The following ANTXRL variants were observed in gnomAD, a reference collection of about 807,000 sequenced individuals.
ANTXRL encodes the protein anthrax toxin receptor-like.
In ANTXRL, 63 loss-of-function variants were observed where a neutral mutation model predicts 75.4. The observed-to-expected ratio is 0.84, with a 90% CI of 0.68 to 1.03. ANTXRL has a LOEUF of 1.03. Ranked by LOEUF, ANTXRL falls within the 50% of genes least tolerant of loss-of-function variation. The pLI is 0.00. For missense variants in ANTXRL, 797 were observed against 789.4 expected (o/e 1.01, Z -0.12); for synonymous variants, 335 against 291.3 (o/e 1.15, Z -1.53).
chr10:46,297,166 G>T, intron 5 of ANTXRL, 86 bp from the exon 6 acceptor site: 2 of 1,134,928 alleles, frequency 1.8e-6, no homozygotes, highest in South Asian at 2.7e-5. Flanking sequence ...AGCGCTGTGG[G>T]CCCAGCCATC....
chr10:46,320,892 C>T (rs10906946), intron 16 of ANTXRL, among the ~76,000 whole-genome samples: 49,737 of 151,782 alleles, frequency 0.33, 9,286 homozygotes, highest in Admixed American at 0.44. Context: ...CTTGTACCCA[C>T]GTAGATAATT....
rs146805042 is a variant in ANTXRL at position 46,320,539 on chromosome 10, C to T, written c.1410+7223C>T. ...TTGAGTCCAGGAGTTTGAGACCAGC[C>T]TGGCCAACATGGCAAAACCCCATCT... On this transcript the variant is annotated intron_variant, in intron 16 of 16. Transcript: ENST00000620264. 2.0e-3 allele frequency among the ~76,000 whole-genome samples: 297 copies of T among 152,240 alleles called. 2 individuals carry two copies. The highest frequency in any genetic ancestry group is 7.0e-3 in the African/African-American group (291 of 41,524).
At chr10:46,294,176 C>A (rs12761764) in intron 3 of ANTXRL, 1 of 468,538 alleles carries the variant, frequency 2.1e-6, no homozygotes. Flanking sequence ...TGCCTCCTTC[C>A]CTGAAAGGTG....
intron 16 of ANTXRL, among the ~76,000 whole-genome samples, chr10:46,317,456 G>A (rs781880954): frequency 6.6e-6 from 1 of 152,184 alleles, no homozygotes; most frequent in Admixed American, 6.5e-5. Flanking sequence ...GCTTAATGCA[G>A]ACGGGCCTTA....
At chr10:46,313,770 A>G (rs1458439061) in intron 16 of ANTXRL, among the ~76,000 whole-genome samples, 1 of 152,146 alleles carries the variant, frequency 6.6e-6, no homozygotes, top group Non-Finnish European at 1.5e-5. Flanking sequence ...CACTGTTTTT[A>G]TCCTCCCAGT....
intron 9 of ANTXRL, among the ~76,000 whole-genome samples, chr10:46,302,360 TG>T (rs1837803422): frequency 6.6e-6 from 1 of 152,134 alleles, no homozygotes; most frequent in African/African-American, 2.4e-5. Context: ...AGGGAGGGCC[TG>T]GCTGAGTGCA....
intron 15 of ANTXRL, among the ~76,000 whole-genome samples, chr10:46,312,097 T>C (rs73291039): frequency 0.013 from 1,961 of 146,720 alleles, 119 homozygotes; most frequent in African/African-American, 0.046. Context: ...AAATGACCAG[T>C]CCTGACACAT....
rs536384516 is a variant in ANTXRL at position 46,329,824 on chromosome 10, C to T, written c.1636C>T (p.Arg546Cys). The T allele has an allele frequency of 2.7e-4, 413 of 1,534,196 alleles. 1 individual carries two copies. The East Asian group carries it at 8.4e-3, about 31-fold the overall frequency. The change falls in exon 17 of 17, where the codon CGC becomes TGC. Residue 546 changes from arginine to cysteine, a missense_variant. Physicochemically the swap from Arg to Cys is radical, Grantham distance 180. Transcript: ENST00000620264. ...HSQHSRECLA[R>C]KQAPCSPRIC... is the part of the protein sequence containing the mutation. ...CCAACACAGCAGGGAGTGCCTTGCCCGCAAACAGGCTCCCTGCAGCCCAAG... is the reference window on the plus strand; with the variant it reads ...CCAACACAGCAGGGAGTGCCTTGCCTGCAAACAGGCTCCCTGCAGCCCAAG...
At chr10:46,326,600 G>T (rs1402548834) in intron 16 of ANTXRL, among the ~76,000 whole-genome samples, 1 of 152,138 alleles carries the variant, frequency 6.6e-6, no homozygotes, top group African/African-American at 2.4e-5. Context: ...CAGAAGCCAA[G>T]ATCTTGCCTG....
At position 46,293,365 on chromosome 10, in the gene ANTXRL, AGTGTGCCTGTGTGTGAGT is replaced by A. The variant is rs1490066205; in HGVS notation, c.321-448_321-431del. On this transcript the variant is annotated intron_variant, in intron 2 of 16. Transcript: ENST00000620264. ...GTGTGCGTGCATGTGTGTGCATGTG[AGTGTGCCTGTGTGTGAGT>A]GTGTGCCTGTGTGTGTGAGTGTGTG... Among the ~76,000 whole-genome samples the A allele has an allele frequency of 1.4e-4, 12 of 85,994 alleles. 1 individual carries two copies. Among genetic ancestry groups the A allele is most frequent in the African/African-American group, 3.6e-4 (7 of 19,704 alleles). 56.4% of individuals were successfully genotyped at this position (85,994 alleles called of 152,430 possible).
At chr10:46,306,707 G>C (rs1281118448) in intron 10 of ANTXRL, 96 bp from the exon 11 acceptor site, 2 of 1,101,076 alleles carry the variant, frequency 1.8e-6, no homozygotes, top group South Asian at 3.4e-5. Flanking sequence ...GCCGGTCCTG[G>C]GCCACAGGGT....
Position 46,324,831 on chromosome 10 carries a change from C to T in ANTXRL, c.1411-4768C>T, listed in dbSNP as rs978877525. ...GGAAACTCTACGATTGCTTCTCCCT[C>T]TGAGGAGAATTGTATGTGTCCTTTC... On this transcript the variant is annotated intron_variant, in intron 16 of 16. Coordinates refer to ENST00000620264, the MANE Select transcript of ANTXRL (RefSeq NM_001278688.3). Among the ~76,000 whole-genome samples the T allele has an allele frequency of 1.4e-4, 22 of 152,108 alleles. 1 individual carries two copies. Among genetic ancestry groups the T allele is most frequent in the Non-Finnish European group, 1.5e-5 (1 of 68,028 alleles).
chr10:46,310,068 A>G (rs372772031), intron 13 of ANTXRL, among the ~76,000 whole-genome samples: 2 of 152,152 alleles, frequency 1.3e-5, no homozygotes, highest in Admixed American at 6.5e-5. Flanking sequence ...GGACTCAGCC[A>G]TGAGGCTGGG....
intron 3 of ANTXRL, among the ~76,000 whole-genome samples, chr10:46,295,264 G>T (rs1289436223): frequency 8.5e-5 from 13 of 152,192 alleles, no homozygotes; most frequent in African/African-American, 3.1e-4. Context: ...TGGGCTGGGT[G>T]CAGGGCTGGT....
At chr10:46,309,063 C>G in intron 12 of ANTXRL, 50 bp from the exon 13 acceptor site, 2 of 1,534,740 alleles carry the variant, frequency 1.3e-6, no homozygotes, top group South Asian at 1.2e-5. Context: ...GTGGTGGGCA[C>G]GGGGAAGAGG....
chr10:46,292,313 C>T (rs1471255369), intron 2 of ANTXRL, among the ~76,000 whole-genome samples, 184 bp downstream of exon 2: 2 of 152,058 alleles, frequency 1.3e-5, no homozygotes, highest in East Asian at 1.9e-4. Flanking sequence ...GGGGTCTCAG[C>T]GGCCTTGGCT....
chr10:46,296,578 C>A (rs1837390976), intron 5 of ANTXRL, among the ~76,000 whole-genome samples: 1 of 152,172 alleles, frequency 6.6e-6, no homozygotes, highest in African/African-American at 2.4e-5. Flanking sequence ...TAGCCTTCCT[C>A]CTCCCTTGCA....
chr10:46,309,628 T>C (rs782699753), intron 13 of ANTXRL, among the ~76,000 whole-genome samples: 8 of 152,210 alleles, frequency 5.3e-5, no homozygotes, highest in Non-Finnish European at 1.0e-4. Context: ...TGGAGGACGC[T>C]GTAACCCCCA....
Position 46,313,217 on chromosome 10 carries a change from T to C in ANTXRL, c.1330-19T>C, listed in dbSNP as rs1554963936. 6 of 1,535,022 alleles carry C rather than the reference T, an allele frequency of 3.9e-6. No individual in the cohort carries two copies. Among genetic ancestry groups the C allele is most frequent in the Admixed American group, 2.0e-5 (1 of 50,960 alleles). On this transcript the variant is annotated intron_variant, in intron 15 of 16. Coordinates refer to ENST00000620264, the MANE Select transcript of ANTXRL (RefSeq NM_001278688.3). ...GTGTCCAAGCTGCATGTCTTCCTCA[T>C]GGCCACGTTGCTTTTCAGGGCAATC... is the stretch of plus-strand genomic sequence containing the variant.
Sources: allele counts gnomAD v4.1 joint callset (sites outside exome capture counted in the v4.1 genomes callset), GRCh38; gene constraint gnomAD v4.1.1; transcripts MANE v1.5; gene names NCBI Gene and HGNC (gene_info 2026-07-23, HGNC 2026-07-21).